Variants in ARB2A observed in about 807,000 individuals in gnomAD.
ARB2A encodes the protein cotranscriptional regulator ARB2A.
At chr5:93,704,796 C>T in the ARB2A span, among the ~76,000 whole-genome samples, 5 of 152,240 alleles carry the variant, frequency 3.3e-5, no homozygotes, top group South Asian at 8.3e-4. Flanking sequence ...ATCAGATCTT[C>T]ACTTTTTGGG....
At chr5:93,975,090 G>A in the ARB2A span, among the ~76,000 whole-genome samples, 27 of 151,882 alleles carry the variant, frequency 1.8e-4, no homozygotes, top group East Asian at 1.4e-3. Flanking sequence ...TGAGGCAGGC[G>A]GATCAAGAGA....
the ARB2A span, among the ~76,000 whole-genome samples, chr5:93,876,125 T>C: frequency 2.0e-5 from 3 of 152,190 alleles, no homozygotes; most frequent in East Asian, 5.8e-4. Context: ...AATGTTTTTG[T>C]TTCATCGTTT....
At chr5:94,033,048 C>T in the ARB2A span, among the ~76,000 whole-genome samples, 1 of 152,042 alleles carries the variant, frequency 6.6e-6, no homozygotes, top group Admixed American at 6.6e-5. Context: ...TTGGTAGTTC[C>T]TCTCTTGCTC....
chr5:93,943,641 T>C, the ARB2A span, among the ~76,000 whole-genome samples: 60 of 152,288 alleles, frequency 3.9e-4, no homozygotes, highest in African/African-American at 1.3e-3. Context: ...GTCACCAAGT[T>C]TGTCAAATAC....
the ARB2A span, among the ~76,000 whole-genome samples, chr5:93,935,368 G>A: frequency 6.6e-6 from 1 of 152,170 alleles, no homozygotes; most frequent in East Asian, 1.9e-4. Flanking sequence ...GGAATTTTGG[G>A]CAAACAGAGT....
At chr5:94,054,334 C>T in the ARB2A span, among the ~76,000 whole-genome samples, 1 of 152,156 alleles carries the variant, frequency 6.6e-6, no homozygotes, top group African/African-American at 2.4e-5. Context: ...TCTCCCCAGT[C>T]TCTGTGGTCT....
chr5:93,977,210 A>T, the ARB2A span, among the ~76,000 whole-genome samples: 8 of 152,188 alleles, frequency 5.3e-5, no homozygotes, highest in African/African-American at 1.9e-4. Flanking sequence ...TATTCCTATC[A>T]AATTACCAAT....
chr5:93,635,278 T>G, the ARB2A span, among the ~76,000 whole-genome samples: 1 of 152,162 alleles, frequency 6.6e-6, no homozygotes, highest in Admixed American at 6.5e-5. Flanking sequence ...TGCCTTAATA[T>G]AGTCAATATT....
chr5:94,024,183 G>A, the ARB2A span, among the ~76,000 whole-genome samples: 87 of 152,280 alleles, frequency 5.7e-4, no homozygotes, highest in African/African-American at 2.0e-3. Context: ...TTTCTGTGAG[G>A]ATGTTTTTAG....
At chr5:93,930,302 A>G in the ARB2A span, among the ~76,000 whole-genome samples, 4 of 152,220 alleles carry the variant, frequency 2.6e-5, no homozygotes, top group East Asian at 7.7e-4. Flanking sequence ...GAAATAACTG[A>G]TAAGATATGA....
chr5:93,955,695 T>C, the ARB2A span, among the ~76,000 whole-genome samples: 1 of 152,240 alleles, frequency 6.6e-6, no homozygotes, highest in Non-Finnish European at 1.5e-5. Flanking sequence ...ATAACTGCCA[T>C]CAAGTTCTAC....
the ARB2A span, among the ~76,000 whole-genome samples, chr5:93,929,852 A>G: frequency 6.6e-6 from 1 of 152,222 alleles, no homozygotes; most frequent in Non-Finnish European, 1.5e-5. Context: ...AGGCATGAGT[A>G]TATCAGTTGA....
the ARB2A span, among the ~76,000 whole-genome samples, chr5:93,874,474 G>T: frequency 1.3e-5 from 2 of 152,110 alleles, no homozygotes. Flanking sequence ...TGGGAGGGTG[G>T]CATGCTGACA....
At chr5:94,035,463 A>G in the ARB2A span, among the ~76,000 whole-genome samples, 168 of 152,268 alleles carry the variant, frequency 1.1e-3, no homozygotes, top group African/African-American at 3.9e-3. Context: ...GCTTTAATAT[A>G]CCATATTGAT....
At chr5:93,726,394 C>T in the ARB2A span, among the ~76,000 whole-genome samples, 5 of 151,926 alleles carry the variant, frequency 3.3e-5, no homozygotes, top group African/African-American at 1.2e-4. Flanking sequence ...TAATATGTGA[C>T]CTCTTTGGCT....
At chr5:93,971,164 A>C in the ARB2A span, among the ~76,000 whole-genome samples, 1 of 151,960 alleles carries the variant, frequency 6.6e-6, no homozygotes, top group South Asian at 2.1e-4. Context: ...ACGCTCAGCT[A>C]ATCTTTTGTA....
At chr5:93,966,921 A>C in the ARB2A span, among the ~76,000 whole-genome samples, 76 of 152,090 alleles carry the variant, frequency 5.0e-4, 1 homozygote, top group South Asian at 0.011. Flanking sequence ...TTCACAGGAT[A>C]CTCTGGCAAA....
the ARB2A span, among the ~76,000 whole-genome samples, chr5:93,812,028 TA>T: frequency 1.3e-5 from 2 of 152,144 alleles, no homozygotes; most frequent in African/African-American, 4.8e-5. Context: ...CTTAACACAG[TA>T]ATTGGATATG....
the ARB2A span, chr5:93,683,393 A>G: frequency 6.2e-7 from 1 of 1,603,052 alleles, no homozygotes; most frequent in Non-Finnish European, 8.5e-7. Flanking sequence ...ACTAATATGC[A>G]CTGGCCCTGA....
Sources: allele counts gnomAD v4.1 joint callset (sites outside exome capture counted in the v4.1 genomes callset), GRCh38; gene constraint gnomAD v4.1.1; transcripts MANE v1.5; gene names NCBI Gene and HGNC (gene_info 2026-07-23, HGNC 2026-07-21).